TM9SF2: variants seen among roughly 807,000 people sequenced by gnomAD.
TM9SF2 encodes transmembrane 9 superfamily member 2.
Under a neutral mutation model 84.9 loss-of-function variants are expected in TM9SF2, and 13 were observed. The ratio of observed to expected loss-of-function variants is 0.15; its 90% CI spans 0.10 to 0.24. The LOEUF is 0.24. TM9SF2 is among the 10% of genes least tolerant of loss of function. The probability of loss-of-function intolerance (pLI) is 1.00; values close to 1 mark genes in which losing one functional copy is unlikely to be tolerated. For synonymous variants in TM9SF2, 273 were observed against 285.8 expected, an observed-to-expected ratio of 0.96 and a Z score of 0.45; for missense variants, 562 against 818.5, an observed-to-expected ratio of 0.69 and a Z score of 3.82.
chr13:99,560,932 C>G (rs9513628), intron 16 of TM9SF2, among the ~76,000 whole-genome samples: 83,362 of 152,088 alleles, frequency 0.55, 23,681 homozygotes, highest in East Asian at 0.7. Flanking sequence ...ATCTGCCCGC[C>G]TTGGCCTCCC....
chr13:99,536,110 A>C (rs555549625), intron 4 of TM9SF2, among the ~76,000 whole-genome samples: 49 of 152,236 alleles, frequency 3.2e-4, no homozygotes, highest in African/African-American at 1.1e-3. Flanking sequence ...CTACTGTCTA[A>C]TAAACTGTTC....
At chr13:99,545,176 C>T (rs1157993642) in intron 10 of TM9SF2, among the ~76,000 whole-genome samples, 1 of 151,974 alleles carries the variant, frequency 6.6e-6, no homozygotes, top group African/African-American at 2.4e-5. Flanking sequence ...CATAATACCA[C>T]AGTTATTTTT....
intron 4 of TM9SF2, among the ~76,000 whole-genome samples, chr13:99,535,853 G>A (rs2046231842): frequency 2.0e-5 from 3 of 152,120 alleles, no homozygotes; most frequent in Admixed American, 2.0e-4. Flanking sequence ...TAGTTATATG[G>A]TGCTACAGAA....
At chr13:99,541,871 T>G (rs1368938077) in intron 9 of TM9SF2, 5 of 371,996 alleles carry the variant, frequency 1.3e-5, no homozygotes, top group African/African-American at 6.5e-5. Flanking sequence ...TATTCTTGGC[T>G]GGGCGCGGTG....
intron 9 of TM9SF2, among the ~76,000 whole-genome samples, chr13:99,542,636 A>G (rs928008003): frequency 2.0e-5 from 3 of 152,040 alleles, no homozygotes; most frequent in East Asian, 3.9e-4. Context: ...CTGATTGGGG[A>G]AAATATATAT....
chr13:99,513,000 G>A (rs2046119663), intron 1 of TM9SF2, among the ~76,000 whole-genome samples: 3 of 152,178 alleles, frequency 2.0e-5, no homozygotes, highest in African/African-American at 7.2e-5. Context: ...CTCTCTTCAA[G>A]TTATATGAGA....
intron 16 of TM9SF2, among the ~76,000 whole-genome samples, chr13:99,560,196 C>T (rs2046338461): frequency 6.6e-6 from 1 of 152,102 alleles, no homozygotes; most frequent in Non-Finnish European, 1.5e-5. Flanking sequence ...CTGCCCGAAG[C>T]GTGCATCTAA....
chr13:99,541,483 A>G, intron 8 of TM9SF2, 76 bp from the exon 9 acceptor site: 2 of 1,046,868 alleles, frequency 1.9e-6, no homozygotes, highest in East Asian at 2.5e-5. Context: ...ATGTTACTCA[A>G]TAAACAGTTT....
At chr13:99,547,923 C>A (rs2046290426) in intron 11 of TM9SF2, among the ~76,000 whole-genome samples, 1 of 152,192 alleles carries the variant, frequency 6.6e-6, no homozygotes, top group South Asian at 2.1e-4. Context: ...TTAACTTAGA[C>A]CTTGTCAGAC....
At chr13:99,522,575 A>G (rs972699606) in intron 3 of TM9SF2, among the ~76,000 whole-genome samples, 1 of 152,204 alleles carries the variant, frequency 6.6e-6, no homozygotes, top group Non-Finnish European at 1.5e-5. Flanking sequence ...GTTTTCAGGC[A>G]TGCTTTTTAA....
At chr13:99,550,994 A>AT (rs577750617) in intron 12 of TM9SF2, among the ~76,000 whole-genome samples, 271 of 152,310 alleles carry the variant, frequency 1.8e-3, no homozygotes, top group Non-Finnish European at 3.2e-3. Flanking sequence ...ACACCAACAC[A>AT]TTTTAACTGT....
At chr13:99,525,592 G>A (rs2046179281) in intron 3 of TM9SF2, among the ~76,000 whole-genome samples, 1 of 136,974 alleles carries the variant, frequency 7.3e-6, no homozygotes, top group Non-Finnish European at 1.5e-5. Flanking sequence ...GTCTTGCTCT[G>A]TAGCCCAGGC....
chr13:99,550,132 C>T (rs773115191), intron 12 of TM9SF2, among the ~76,000 whole-genome samples: 2 of 152,242 alleles, frequency 1.3e-5, no homozygotes, highest in African/African-American at 4.8e-5. Flanking sequence ...TAGTCTCACA[C>T]ATCTTCCATT....
intron 16 of TM9SF2, among the ~76,000 whole-genome samples, chr13:99,561,194 T>C (rs2046343874): frequency 1.3e-5 from 2 of 152,208 alleles, no homozygotes; most frequent in Admixed American, 1.3e-4. Context: ...TTCTCTAAAA[T>C]AGGGTATGGT....
At chr13:99,556,840 C>A (rs1398738749) in intron 15 of TM9SF2, among the ~76,000 whole-genome samples, 1 of 152,140 alleles carries the variant, frequency 6.6e-6, no homozygotes, top group African/African-American at 2.4e-5. Flanking sequence ...CCTGCCTCGG[C>A]CTCCCAACGT....
intron 4 of TM9SF2, among the ~76,000 whole-genome samples, chr13:99,534,503 G>T (rs1185878836): frequency 6.6e-6 from 1 of 152,140 alleles, no homozygotes; most frequent in Non-Finnish European, 1.5e-5. Context: ...AAAAAAAAAT[G>T]CCAACTTGTT....
At chr13:99,554,636 T>C (rs917963521) in intron 14 of TM9SF2, among the ~76,000 whole-genome samples, 181 bp downstream of exon 14, 1 of 152,256 alleles carries the variant, frequency 6.6e-6, no homozygotes, top group Non-Finnish European at 1.5e-5. Context: ...ACAATAGTGA[T>C]AACAGCTAGT....
intron 10 of TM9SF2, among the ~76,000 whole-genome samples, chr13:99,546,221 A>C (rs1390499450): frequency 6.6e-6 from 1 of 151,902 alleles, no homozygotes; most frequent in African/African-American, 2.4e-5. Context: ...ATAGGGGGGG[A>C]AACAATGGGG....
At chr13:99,505,806 A>AT (rs1334279862) in intron 1 of TM9SF2, among the ~76,000 whole-genome samples, 2 of 152,228 alleles carry the variant, frequency 1.3e-5, no homozygotes, top group African/African-American at 4.8e-5. Context: ...AGAGGTGAAG[A>AT]TTAGTGAGCA....
Sources: gnomAD v4.1 joint callset for allele counts (sites outside exome capture counted in the v4.1 genomes callset) on GRCh38, gnomAD v4.1.1 for gene constraint, MANE v1.5 for transcripts, NCBI Gene and HGNC (gene_info 2026-07-23, HGNC 2026-07-21) for gene names.